The following GLG1 variants were observed in gnomAD, a reference collection of about 807,000 sequenced individuals.
The protein encoded by GLG1 is Golgi apparatus protein 1.
In GLG1, 38 loss-of-function variants were observed where a neutral mutation model predicts 160.5. That is an observed-to-expected ratio of 0.24 (90% confidence interval 0.18 to 0.31). The LOEUF (loss-of-function observed/expected upper bound fraction) is 0.31, where lower values mean the gene tolerates loss of function less well. Ranked by LOEUF, GLG1 falls within the 10% of genes least tolerant of loss-of-function variation. GLG1 has a pLI of 1.00. For missense variants in GLG1, 1,373 were observed against 1,505.2 expected (o/e 0.91, Z 1.45); for synonymous variants, 644 against 543.4 (o/e 1.19, Z -2.57).
rs757696304 is a variant in GLG1, at chr16:74,467,854, T to C, written c.2437-6A>G. On this transcript the variant is annotated splice_polypyrimidine_tract_variant and splice_region_variant and intron_variant, in intron 17 of 25. Transcript: ENST00000422840. ...TCCAAGCGGATGTCCTCCGTCTGCATGAGGGAGCCAGCATGGAAAGGTGAG... is the reference window on the plus strand; with the variant it reads ...TCCAAGCGGATGTCCTCCGTCTGCACGAGGGAGCCAGCATGGAAAGGTGAG... 1.5e-5 allele frequency: 24 copies of C among 1,593,836 alleles called. No homozygotes were observed. Among genetic ancestry groups the C allele is most frequent in the Admixed American group, 1.3e-4 (8 of 59,280 alleles).
At chr16:74,590,324 T>C (rs1399825122) in intron 1 of GLG1, among the ~76,000 whole-genome samples, 1 of 151,928 alleles carries the variant, frequency 6.6e-6, no homozygotes, top group East Asian at 2.0e-4. Flanking sequence ...TTTACCATTA[T>C]AAGAAGTTTC....
chr16:74,528,980 T>TA (rs953925922), intron 2 of GLG1, among the ~76,000 whole-genome samples: 1 of 150,962 alleles, frequency 6.6e-6, no homozygotes, highest in Non-Finnish European at 1.5e-5. Flanking sequence ...CTTTTTTTTT[T>TA]TTTTGAGACA....
intron 22 of GLG1, 186 bp downstream of exon 22, chr16:74,461,908 C>A (rs566517782): frequency 5.7e-5 from 31 of 539,394 alleles, no homozygotes; most frequent in African/African-American, 5.3e-4. Context: ...TTTAGAGTGT[C>A]AGGACTAATG....
chr16:74,602,827 T>C (rs1383684485), intron 1 of GLG1, among the ~76,000 whole-genome samples: 2 of 149,610 alleles, frequency 1.3e-5, no homozygotes, highest in South Asian at 2.1e-4. Context: ...GGGTGATGTA[T>C]ACCCAGGGAC....
intron 1 of GLG1, among the ~76,000 whole-genome samples, chr16:74,555,459 A>G (rs1237638467): frequency 6.6e-6 from 1 of 152,144 alleles, no homozygotes; most frequent in Non-Finnish European, 1.5e-5. Context: ...GGCTGAGGCA[A>G]GACAACTGCT....
chr16:74,580,603 T>A (rs566874037), intron 1 of GLG1, among the ~76,000 whole-genome samples: 1 of 152,136 alleles, frequency 6.6e-6, no homozygotes, highest in Admixed American at 6.6e-5. Context: ...AAAAGCTTCA[T>A]GACATTGAAT....
chr16:74,530,991 A>G (rs2017513945), intron 2 of GLG1, among the ~76,000 whole-genome samples: 1 of 152,148 alleles, frequency 6.6e-6, no homozygotes, highest in South Asian at 2.1e-4. Flanking sequence ...AGTCCTTTTC[A>G]TCTGCATTGT....
intron 1 of GLG1, among the ~76,000 whole-genome samples, chr16:74,545,268 C>A (rs1224506579): frequency 6.6e-6 from 1 of 152,092 alleles, no homozygotes; most frequent in African/African-American, 2.4e-5. Context: ...GAAGCCTCAA[C>A]CTCCCAGCCT....
rs573895066 is a variant in GLG1, at chr16:74,451,310, C to T, written c.*1857G>A. The T allele has an allele frequency of 6.6e-6, 1 of 152,332 alleles. No homozygotes were observed. Among genetic ancestry groups the T allele is most frequent in the East Asian group, 1.9e-4 (1 of 5,176 alleles). The allele number at this position is 152,332 out of a possible 1,614,324, so 9.4% of individuals were successfully genotyped here. A position where few individuals can be genotyped will look rare whatever the true frequency, so the allele number is the denominator to read the frequency against. On this transcript the variant is annotated 3_prime_UTR_variant, in exon 26 of 26. Coordinates refer to ENST00000422840, the MANE Select transcript of GLG1 (RefSeq NM_001145667.2). Reference sequence around the variant, plus strand: ...AAGCAGGACCGAGGGGACTAAGCAGCTTAGCAGCTTCCCTTGGTGACTTGG... The same window carrying T: ...AAGCAGGACCGAGGGGACTAAGCAGTTTAGCAGCTTCCCTTGGTGACTTGG...
chr16:74,533,177 C>G (rs71391092), intron 1 of GLG1, among the ~76,000 whole-genome samples: 20,188 of 151,984 alleles, frequency 0.13, 1,460 homozygotes, highest in East Asian at 0.17. Flanking sequence ...AAAAATTAGC[C>G]GGGCGTGGTG....
At chr16:74,496,686 A>G (rs1305096768) in intron 4 of GLG1, 42 bp from the exon 5 acceptor site, 4 of 1,233,082 alleles carry the variant, frequency 3.2e-6, no homozygotes, top group African/African-American at 3.0e-5. Flanking sequence ...CTTTTATCAC[A>G]TGGGTTTCAA....
chr16:74,571,053 G>A (rs1043062165), intron 1 of GLG1, among the ~76,000 whole-genome samples: 1 of 151,790 alleles, frequency 6.6e-6, no homozygotes, highest in Non-Finnish European at 1.5e-5. Flanking sequence ...ATTAGCAAAT[G>A]TGACATCAGA....
At chr16:74,597,199 G>A (rs932445500) in intron 1 of GLG1, among the ~76,000 whole-genome samples, 29 of 151,724 alleles carry the variant, frequency 1.9e-4, no homozygotes, top group African/African-American at 6.1e-4. Flanking sequence ...TTGGGAGGCC[G>A]AGGCGGGAGG....
chr16:74,575,027 T>G, intron 1 of GLG1, among the ~76,000 whole-genome samples: 3 of 57,978 alleles, frequency 5.2e-5, no homozygotes, highest in Admixed American at 3.1e-4. Flanking sequence ...GGGGGGCGGA[T>G]CACGAGGTCA....
At chr16:74,464,551 C>G (rs2014929582) in intron 19 of GLG1, among the ~76,000 whole-genome samples, 1 of 152,208 alleles carries the variant, frequency 6.6e-6, no homozygotes, top group Non-Finnish European at 1.5e-5. Flanking sequence ...AGCCTCTCTT[C>G]CTAGTTCTGT....
intron 2 of GLG1, among the ~76,000 whole-genome samples, chr16:74,517,775 T>C (rs563192542): frequency 1.3e-5 from 2 of 152,296 alleles, no homozygotes; most frequent in South Asian, 2.1e-4. Context: ...TCTTTGTAGA[T>C]GACATGACTG....
At position 74,510,976 on chromosome 16, in the gene GLG1, G is replaced by C. The variant is rs138393937; in HGVS notation, c.472-2051C>G. Among the ~76,000 whole-genome samples the C allele has an allele frequency of 6.6e-5, 10 of 152,256 alleles. No individual in the cohort carries two copies. The East Asian group carries it at 1.7e-3, about 26-fold the overall frequency. On this transcript the variant is annotated intron_variant, in intron 2 of 25. Coordinates refer to ENST00000422840, the MANE Select transcript of GLG1 (RefSeq NM_001145667.2). ...AAGCAGTTAGCCAGATTCAAGGGTA[G>C]GGAGAAGACTTTTTTAGGCAGATGA... is the stretch of plus-strand genomic sequence containing the variant.
rs80336652 is a variant in GLG1 at position 74,569,319 on chromosome 16, C to T, written c.439-37166G>A. ...CCTTTCTGAAACAAGACATCATAAA[C>T]GATAATCAGCAGAAAGGCAAAGAAA... On this transcript the variant is annotated intron_variant, in intron 1 of 25. Transcript: ENST00000422840. 3.0e-3 allele frequency among the ~76,000 whole-genome samples: 452 copies of T among 152,242 alleles called. 2 individuals are homozygous for T. Among genetic ancestry groups the T allele is most frequent in the Middle Eastern group, 0.017 (5 of 294 alleles).
chr16:74,593,097 C>T (rs1958220492), intron 1 of GLG1, among the ~76,000 whole-genome samples: 1 of 152,160 alleles, frequency 6.6e-6, no homozygotes, highest in Admixed American at 6.6e-5. Flanking sequence ...CTGGCCCTCA[C>T]CAGATATGGC....
Sources: gnomAD v4.1 joint callset for allele counts (sites outside exome capture counted in the v4.1 genomes callset) on GRCh38, gnomAD v4.1.1 for gene constraint, MANE v1.5 for transcripts, NCBI Gene and HGNC (gene_info 2026-07-23, HGNC 2026-07-21) for gene names.